CIBAR1: variants seen among roughly 807,000 people sequenced by gnomAD.
CIBAR1 encodes CBY1 interacting BAR domain containing 1.
Under a neutral mutation model 44.0 loss-of-function variants are expected in CIBAR1, and 25 were observed. That is an observed-to-expected ratio of 0.57 (90% confidence interval 0.41 to 0.79). The LOEUF is 0.79. CIBAR1 is among the 30% of genes least tolerant of loss of function. CIBAR1 has a pLI of 0.00. For synonymous variants in CIBAR1, 115 were observed against 119.0 expected (o/e 0.97, Z 0.22); for missense variants, 278 against 344.8 (o/e 0.81, Z 1.53).
chr8:93,709,818 T>C lies in CIBAR1; in HGVS notation c.486T>C (p.Ser162=). The part of the protein sequence containing the change: ...QRAAMDASRT[S]RHLEETINNF... Reference sequence around the variant, plus strand: ...CTGCAATGGATGCTAGCCGAACAAGTCGTCATCTGGAGGAAACTATTAACA... The same window carrying C: ...CTGCAATGGATGCTAGCCGAACAAGCCGTCATCTGGAGGAAACTATTAACA... The change falls in exon 6 of 9, where the codon AGT becomes AGC. Residue 162 remains serine, a synonymous_variant. Coordinates refer to ENST00000518322, the MANE Select transcript of CIBAR1 (RefSeq NM_145269.5). The C allele has an allele frequency of 6.2e-7, 1 of 1,613,404 alleles. No individual in the cohort carries two copies.
At chr8:93,716,967 C>G (rs1294732594) in intron 6 of CIBAR1, among the ~76,000 whole-genome samples, 1 of 152,180 alleles carries the variant, frequency 6.6e-6, no homozygotes, top group Non-Finnish European at 1.5e-5. Context: ...GTTAATCAAA[C>G]AAGATGGATG....
intron 6 of CIBAR1, 71 bp downstream of exon 6, chr8:93,709,946 T>G: frequency 8.3e-7 from 1 of 1,197,722 alleles, no homozygotes; most frequent in Non-Finnish European, 1.2e-6. Flanking sequence ...AAAATTTAAA[T>G]TACTCTAAAT....
chr8:93,714,127 CTTTAA>C (rs1348611362), intron 6 of CIBAR1, among the ~76,000 whole-genome samples: 10 of 152,096 alleles, frequency 6.6e-5, no homozygotes, highest in African/African-American at 2.4e-4. Flanking sequence ...TTTTAATATT[CTTTAA>C]TTTCTTTAAA....
Position 93,726,451 on chromosome 8 carries a change from G to A in CIBAR1, c.715G>A (p.Ala239Thr). ...DYSSRLDIVR[A>T]NSKSPLQRSL... ...TTCATCTCGTTTAGATATTGTAAGA[G>A]CAAATTCAAAGTCACCTCTTCAGAG... The change falls in exon 8 of 9, where the codon GCA becomes ACA. Residue 239 changes from alanine to threonine, a missense_variant. Physicochemically the swap from Ala to Thr is moderately conservative, Grantham distance 58. Coordinates refer to ENST00000518322, the MANE Select transcript of CIBAR1 (RefSeq NM_145269.5). 1 of 1,613,666 alleles carries A rather than the reference G, an allele frequency of 6.2e-7. No individual in the cohort carries two copies. Among genetic ancestry groups the A allele is most frequent in the Non-Finnish European group, 8.5e-7 (1 of 1,179,714 alleles).
intron 8 of CIBAR1, 111 bp from the exon 9 acceptor site, chr8:93,728,093 AT>A: frequency 7.3e-6 from 2 of 273,294 alleles, no homozygotes; most frequent in Non-Finnish European, 1.2e-5. Context: ...TGACATGGAC[AT>A]TTTTTTGAAA....
chr8:93,718,833 A>C, intron 7 of CIBAR1, 45 bp downstream of exon 7: 1 of 1,177,536 alleles, frequency 8.5e-7, no homozygotes, highest in Non-Finnish European at 1.2e-6. Context: ...TTAATGTGGA[A>C]ATATTTAAAA....
chr8:93,722,329 A>G (rs1032064391), intron 7 of CIBAR1, among the ~76,000 whole-genome samples: 1 of 152,248 alleles, frequency 6.6e-6, no homozygotes, highest in African/African-American at 2.4e-5. Context: ...GCTGAGATTT[A>G]TTCCAGCTGC....
At chr8:93,712,156 T>C (rs774104452) in intron 6 of CIBAR1, among the ~76,000 whole-genome samples, 16 of 152,224 alleles carry the variant, frequency 1.1e-4, no homozygotes, top group Non-Finnish European at 1.6e-4. Flanking sequence ...TACACAGATA[T>C]ATATCACCAC....
intron 5 of CIBAR1, among the ~76,000 whole-genome samples, chr8:93,708,334 T>C (rs1020564343): frequency 2.0e-5 from 3 of 152,196 alleles, no homozygotes; most frequent in African/African-American, 7.2e-5. Context: ...TGGGCAACTT[T>C]TGTTCTAGCA....
rs774655508 is a variant in CIBAR1 at position 93,728,734 on chromosome 8, A to C, written c.*437A>C. On this transcript the variant is annotated 3_prime_UTR_variant, in exon 9 of 9. Coordinates refer to ENST00000518322, the MANE Select transcript of CIBAR1 (RefSeq NM_145269.5). ...ATTCCATGAAGCCTTAAGAAAAAAA[A>C]CTTTTTTTAACTTTCCCTGAAACTT... The C allele has an allele frequency of 6.6e-6, 1 of 152,034 alleles. No individual in the cohort carries two copies. Among genetic ancestry groups the C allele is most frequent in the Non-Finnish European group, 1.5e-5 (1 of 67,990 alleles). The allele number at this position is 152,034 out of a possible 1,614,324, so 9.4% of individuals were successfully genotyped here. A position where few individuals can be genotyped will look rare whatever the true frequency, so the allele number is the denominator to read the frequency against.
intron 6 of CIBAR1, among the ~76,000 whole-genome samples, chr8:93,717,245 A>T (rs552642347): frequency 3.3e-5 from 5 of 152,108 alleles, no homozygotes; most frequent in African/African-American, 1.2e-4. Flanking sequence ...AGAAAACCTG[A>T]CTCCTTTCTG....
intron 5 of CIBAR1, among the ~76,000 whole-genome samples, chr8:93,709,511 A>T (rs1810735480): frequency 6.6e-6 from 1 of 152,138 alleles, no homozygotes; most frequent in South Asian, 2.1e-4. Context: ...TATTTTATAG[A>T]CAGAAAGGGA....
intron 4 of CIBAR1, 99 bp from the exon 5 acceptor site, chr8:93,707,912 C>A: frequency 2.8e-6 from 2 of 706,702 alleles, no homozygotes; most frequent in Non-Finnish European, 2.2e-6. Flanking sequence ...AATATATAAC[C>A]TAATTGTAAG....
chr8:93,715,252 A>G lies in CIBAR1; in HGVS notation c.544-3423A>G, dbSNP rs762410304. 2.0e-5 allele frequency: 3 copies of G among 152,342 alleles called. No individual in the cohort carries two copies. The East Asian group carries it at 5.8e-4, about 29-fold the overall frequency. 9.4% of individuals were successfully genotyped at this position (152,342 alleles called of 1,614,324 possible). A position where few individuals can be genotyped will look rare whatever the true frequency, so the allele number is the denominator to read the frequency against. On this transcript the variant is annotated intron_variant, in intron 6 of 8. Coordinates refer to ENST00000518322, the MANE Select transcript of CIBAR1 (RefSeq NM_145269.5). ...ATGTATTAGGAAAAGTCATCAGTATATGATGAATGTCAAGGGAATTTCACA... is the reference window on the plus strand; with the variant it reads ...ATGTATTAGGAAAAGTCATCAGTATGTGATGAATGTCAAGGGAATTTCACA...
chr8:93,709,196 C>T (rs1181826440), intron 5 of CIBAR1, among the ~76,000 whole-genome samples: 1 of 152,298 alleles, frequency 6.6e-6, no homozygotes, highest in Middle Eastern at 3.4e-3. Context: ...AGAAGAATCA[C>T]TTCAACCCAG....
intron 5 of CIBAR1, among the ~76,000 whole-genome samples, chr8:93,709,375 A>G (rs1810729874): frequency 6.6e-6 from 1 of 152,238 alleles, no homozygotes; most frequent in Non-Finnish European, 1.5e-5. Context: ...GAAATGGCTA[A>G]TGGAGAGAGA....
At chr8:93,719,640 A>G (rs1008763896) in intron 7 of CIBAR1, 9 of 152,220 alleles carry the variant, frequency 5.9e-5, no homozygotes, top group Non-Finnish European at 8.8e-5. Context: ...TATGAAATAA[A>G]TGTAGGTTAT....
chr8:93,711,187 AT>A (rs1240720990), intron 6 of CIBAR1, among the ~76,000 whole-genome samples: 1 of 152,226 alleles, frequency 6.6e-6, no homozygotes, highest in Non-Finnish European at 1.5e-5. Context: ...AGGACCTCTT[AT>A]GACCATCTTA....
At chr8:93,705,368 G>T (rs1810538931) in intron 4 of CIBAR1, 1 of 240,706 alleles carries the variant, frequency 4.2e-6, no homozygotes, top group Non-Finnish European at 7.9e-6. Flanking sequence ...TGTCCTCTAT[G>T]CCCTGCTTTG....
Sources: gnomAD v4.1 joint callset for allele counts (sites outside exome capture counted in the v4.1 genomes callset) on GRCh38, gnomAD v4.1.1 for gene constraint, MANE v1.5 for transcripts, NCBI Gene and HGNC (gene_info 2026-07-23, HGNC 2026-07-21) for gene names.